The following TRPC1 variants were observed in gnomAD, a reference collection of about 807,000 sequenced individuals.
TRPC1 encodes the protein transient receptor potential cation channel subfamily C member 1.
TRPC1 carries 42 observed loss-of-function variants against 88.2 expected under a neutral mutation model. That is an observed-to-expected ratio of 0.48 (90% CI 0.37 to 0.62). The LOEUF (loss-of-function observed/expected upper bound fraction) is 0.62. TRPC1 is among the 20% of genes least tolerant of loss of function. The pLI, the probability that TRPC1 is intolerant of heterozygous loss-of-function variation, is 0.00. For synonymous variants in TRPC1, 288 were observed against 331.8 expected (o/e 0.87, Z 1.43); for missense variants, 699 against 957.3 (o/e 0.73, Z 3.56).
chr3:142,753,744 A>C (rs927415001), intron 4 of TRPC1, among the ~76,000 whole-genome samples: 3 of 151,546 alleles, frequency 2.0e-5, no homozygotes, highest in African/African-American at 7.3e-5. Context: ...AAAAAAAAAA[A>C]AACTTAGAGA....
At chr3:142,793,859 A>ATAG in intron 9 of TRPC1, 1 of 985,318 alleles carries the variant, frequency 1.0e-6, no homozygotes, top group South Asian at 4.7e-5. Flanking sequence ...AATAAAATAT[A>ATAG]TAGGAAAAAC....
At position 142,724,770 on chromosome 3, in the gene TRPC1, C is replaced by T. The variant is rs763923913; in HGVS notation, c.172+39C>T. Reference sequence around the variant, plus strand: ...CCCTTTCTCCTCTGGACGCCCCTGTCCTCCAGACCTTTAGTCCTCTCCCCC... The same window carrying T: ...CCCTTTCTCCTCTGGACGCCCCTGTTCTCCAGACCTTTAGTCCTCTCCCCC... On this transcript the variant is annotated intron_variant, in intron 1 of 12. Transcript: ENST00000476941. This position sits in a 1 kb window ranked among gnomAD's most constrained non-coding sequence, Gnocchi z 5.6. The T allele has an allele frequency of 6.6e-7, 1 of 1,506,098 alleles. No individual in the cohort carries two copies. The allele number at this position is 1,506,098 out of a possible 1,614,324, so 93.3% of individuals were successfully genotyped here.
chr3:142,742,802 T>C (rs1470263363), intron 2 of TRPC1, among the ~76,000 whole-genome samples: 1 of 152,166 alleles, frequency 6.6e-6, no homozygotes, highest in African/African-American at 2.4e-5. Context: ...AAGTCCCCAT[T>C]TCCTCAGAGT....
chr3:142,738,180 A>T (rs1934212418), intron 2 of TRPC1, among the ~76,000 whole-genome samples: 1 of 152,176 alleles, frequency 6.6e-6, no homozygotes, highest in South Asian at 2.1e-4. Context: ...AATTTCTCAA[A>T]GTTCTAAAAT....
intron 9 of TRPC1, among the ~76,000 whole-genome samples, chr3:142,793,199 C>G (rs1249040411): frequency 6.6e-6 from 1 of 151,954 alleles, no homozygotes; most frequent in Non-Finnish European, 1.5e-5. Context: ...TTAGCCTCCT[C>G]CCCCCACTTC....
intron 11 of TRPC1, 90 bp from the exon 12 acceptor site, chr3:142,804,346 A>G: frequency 8.6e-6 from 11 of 1,274,862 alleles, no homozygotes; most frequent in East Asian, 2.5e-5. Flanking sequence ...CAAATGTTGA[A>G]CAAAATTTTT....
intron 4 of TRPC1, among the ~76,000 whole-genome samples, chr3:142,759,817 G>C (rs1410826278): frequency 3.3e-5 from 5 of 151,972 alleles, no homozygotes; most frequent in Non-Finnish European, 7.4e-5. Flanking sequence ...TATGGTTTTA[G>C]GTCTAACATT....
chr3:142,725,152 A>G (rs1933623983), intron 1 of TRPC1, among the ~76,000 whole-genome samples: 1 of 152,172 alleles, frequency 6.6e-6, no homozygotes, highest in Non-Finnish European at 1.5e-5. Context: ...TTACCTTAGG[A>G]TGCCTCGTAT....
In TRPC1 at chr3:142,767,032, T is replaced by C. The variant is rs1935418240; in HGVS notation, c.633-10600T>C. On this transcript the variant is annotated intron_variant, in intron 4 of 12. Coordinates refer to ENST00000476941, the MANE Select transcript of TRPC1 (RefSeq NM_001251845.2). This position sits in a 1 kb window ranked among gnomAD's most constrained non-coding sequence, Gnocchi z 5.1. ...TTTTGAGAGAGATTGTGTTGAATCA[T>C]TTAGGCAGAAATGCCATCTTAAAAA... 6.6e-6 allele frequency among the ~76,000 whole-genome samples: 1 copy of C among 152,226 alleles called. No homozygotes were observed. Among genetic ancestry groups the C allele is most frequent in the Non-Finnish European group, 1.5e-5 (1 of 68,038 alleles).
chr3:142,730,544 G>C (rs1432328899), intron 1 of TRPC1, among the ~76,000 whole-genome samples: 3 of 150,292 alleles, frequency 2.0e-5, no homozygotes, highest in Non-Finnish European at 4.4e-5. Context: ...TCTGTAATAC[G>C]AGTTTTGCAC....
At chr3:142,746,550 G>C (rs1934562689) in intron 3 of TRPC1, among the ~76,000 whole-genome samples, 1 of 152,112 alleles carries the variant, frequency 6.6e-6, no homozygotes, top group Non-Finnish European at 1.5e-5. Context: ...AGTCATAAAA[G>C]AGGAGGAAAA....
chr3:142,762,572 G>T (rs551526866), intron 4 of TRPC1, among the ~76,000 whole-genome samples: 4 of 151,538 alleles, frequency 2.6e-5, no homozygotes, highest in African/African-American at 7.3e-5. Context: ...GGGACTACAG[G>T]TGTCTGCCAC....
intron 1 of TRPC1, among the ~76,000 whole-genome samples, chr3:142,726,565 A>G (rs1933676636): frequency 6.6e-6 from 1 of 152,108 alleles, no homozygotes; most frequent in Non-Finnish European, 1.5e-5. Flanking sequence ...TAAAATGGGA[A>G]TTTTCTGTTT....
rs542174015 is a variant in TRPC1 at position 142,741,956 on chromosome 3, A to C, written c.328-1529A>C. ...GGTGGGTGGATCTCTTGAGGTTGGG[A>C]GTTAGAGACCAGCCCAGCCAACAGG... On this transcript the variant is annotated intron_variant, in intron 2 of 12. Transcript: ENST00000476941. Among the ~76,000 whole-genome samples the C allele has an allele frequency of 1.0e-3, 158 of 152,188 alleles. 1 individual carries two copies. Among genetic ancestry groups the C allele is most frequent in the African/African-American group, 3.1e-3 (127 of 41,524 alleles).
rs574898083 is a variant in TRPC1, at chr3:142,724,166, C to T, written c.-394C>T. 1.3e-5 allele frequency: 2 copies of T among 152,438 alleles called. No homozygotes were observed. Among genetic ancestry groups the T allele is most frequent in the Admixed American group, 6.5e-5 (1 of 15,290 alleles). 9.4% of individuals were successfully genotyped at this position (152,438 alleles called of 1,614,324 possible). On this transcript the variant is annotated 5_prime_UTR_variant, in exon 1 of 13. Transcript: ENST00000476941. The surrounding 1 kb of genome is among the most constrained non-coding windows in gnomAD (Gnocchi z 5.6). Reference sequence around the variant, plus strand: ...AGCGCCTCTTGGAGCTCCTCTCCCACAGATCTCTCGTCCTCTTCCTGGGCT... The same window carrying T: ...AGCGCCTCTTGGAGCTCCTCTCCCATAGATCTCTCGTCCTCTTCCTGGGCT...
intron 4 of TRPC1, among the ~76,000 whole-genome samples, chr3:142,760,020 G>T (rs1012163364): frequency 6.6e-5 from 10 of 151,946 alleles, no homozygotes; most frequent in Admixed American, 5.2e-4. Context: ...TGGAGATGGG[G>T]TTTCGCTGTG....
At chr3:142,769,643 TAA>T (rs767160660) in intron 4 of TRPC1, among the ~76,000 whole-genome samples, 1 of 152,208 alleles carries the variant, frequency 6.6e-6, no homozygotes, top group East Asian at 1.9e-4. Context: ...ATCAATTATT[TAA>T]GAGTGTGTTG....
chr3:142,756,621 A>C (rs1934976738), intron 4 of TRPC1, among the ~76,000 whole-genome samples: 1 of 152,016 alleles, frequency 6.6e-6, no homozygotes, highest in African/African-American at 2.4e-5. Flanking sequence ...GGCCTCCCAA[A>C]GTGCTGGGAC....
chr3:142,729,548 T>C (rs1933814368), intron 1 of TRPC1, among the ~76,000 whole-genome samples: 1 of 152,174 alleles, frequency 6.6e-6, no homozygotes, highest in South Asian at 2.1e-4. Flanking sequence ...AGGGTCAGTC[T>C]TTTATCTGGG....
Sources: gnomAD v4.1 joint callset for allele counts (sites outside exome capture counted in the v4.1 genomes callset) on GRCh38, gnomAD v4.1.1 for gene constraint, Gnocchi (gnomAD v3.1) non-coding constraint, MANE v1.5 for transcripts, NCBI Gene and HGNC (gene_info 2026-07-23, HGNC 2026-07-21) for gene names.